The following TXNDC8 variants were observed in gnomAD, a reference collection of about 807,000 sequenced individuals.
TXNDC8 encodes thioredoxin domain containing 8.
In TXNDC8, 15 loss-of-function variants were observed where a neutral mutation model predicts 12.9. That is an observed-to-expected ratio of 1.16 (90% CI 0.78 to 1.79). The LOEUF (loss-of-function observed/expected upper bound fraction) is 1.79. Among genes scored for constraint, TXNDC8 ranks in the 40% most tolerant of loss-of-function variants. TXNDC8 has a pLI of 0.00. For missense variants in TXNDC8, 128 were observed against 113.2 expected (o/e 1.13, Z -0.59); for synonymous variants, 40 against 35.4 (o/e 1.13, Z -0.46).
intron 2 of TXNDC8, among the ~76,000 whole-genome samples, chr9:110,332,386 G>A (rs371567217): frequency 3.9e-5 from 6 of 152,118 alleles, no homozygotes; most frequent in African/African-American, 1.4e-4. Flanking sequence ...AATTTTAGGC[G>A]GATAAGGGAT....
chr9:110,316,115 C>T (rs890240871), intron 3 of TXNDC8, among the ~76,000 whole-genome samples: 2 of 150,592 alleles, frequency 1.3e-5, no homozygotes, highest in Non-Finnish European at 3.0e-5. Flanking sequence ...ATCTAGGCTA[C>T]TACCTGCTAG....
intron 3 of TXNDC8, among the ~76,000 whole-genome samples, chr9:110,307,340 A>G (rs147214606): frequency 8.1e-4 from 123 of 152,280 alleles, no homozygotes; most frequent in African/African-American, 2.9e-3. Flanking sequence ...AGTTTCAGCA[A>G]CTAGGTATTA....
At chr9:110,303,474 T>A (rs1169696434), downstream of TXNDC8, 3 of 1,505,760 alleles carry the variant, frequency 2.0e-6, no homozygotes. Context: ...ACACATTTGC[T>A]CTTGCCTTTT....
Position 110,315,682 on chromosome 9 carries a change from T to C in TXNDC8, c.195+10493A>G, listed in dbSNP as rs1587964545. Among the ~76,000 whole-genome samples the C allele has an allele frequency of 4.3e-5, 5 of 115,500 alleles. No homozygotes were observed. In the South Asian group the frequency reaches 1.3e-3, roughly 31 times the overall value. 75.8% of individuals were successfully genotyped at this position (115,500 alleles called of 152,430 possible). A position where few individuals can be genotyped will look rare whatever the true frequency, so the allele number is the denominator to read the frequency against. On this transcript the variant is annotated intron_variant, in intron 3 of 4. Coordinates refer to ENST00000423740, the MANE Select transcript of TXNDC8 (RefSeq NM_001286946.2). ...CTACTATGCCTGGCTAATTTTTGTA[T>C]TTTTTTTTTTTGTAGAGATAGGGTT...
At position 110,334,217 on chromosome 9, in the gene TXNDC8, T is replaced by G; in HGVS notation, c.128A>C (p.His43Pro). Residue 43 changes from histidine (H) to proline (P), a missense_variant and splice_region_variant, in exon 2 of 5, where the codon CAT (histidine) becomes CCT (proline). Coordinates refer to ENST00000423740, the MANE Select transcript of TXNDC8 (RefSeq NM_001286946.2). ...GAGATATATACTGGTTGTACTCACA[T>G]GGAAAACAGGAAACATCCTTTTGCA... is the stretch of plus-strand genomic sequence containing the variant. 1 of 1,610,162 alleles carries G rather than the reference T, an allele frequency of 6.2e-7. No homozygotes were observed. Among genetic ancestry groups the G allele is most frequent in the Non-Finnish European group, 8.5e-7 (1 of 1,176,690 alleles).
rs77547959 is a variant in TXNDC8, at chr9:110,332,437, G to A, written c.129+1779C>T. 3.4e-3 allele frequency among the ~76,000 whole-genome samples: 517 copies of A among 152,272 alleles called. 1 individual carries two copies. The highest frequency in any genetic ancestry group is 4.8e-3 in the Non-Finnish European group (327 of 68,020). ...AGCCAGTTTCTCTATTGGAATATAAGTTCATTTTGAATTAAATATCAAAGA... is the reference window on the plus strand; with the variant it reads ...AGCCAGTTTCTCTATTGGAATATAAATTCATTTTGAATTAAATATCAAAGA... On this transcript the variant is annotated intron_variant, in intron 2 of 4. Transcript: ENST00000423740.
chr9:110,302,089 A>G (rs533720373), downstream of TXNDC8, among the ~76,000 whole-genome samples: 4 of 152,068 alleles, frequency 2.6e-5, no homozygotes, highest in Non-Finnish European at 5.9e-5. Context: ...TTCCAGGCGC[A>G]AGTAATCCTC....
chr9:110,304,593 CT>C (rs1203833513), intron 3 of TXNDC8, 61 bp from the exon 5 acceptor site: 1 of 1,455,236 alleles, frequency 6.9e-7, no homozygotes, highest in Non-Finnish European at 9.4e-7. Flanking sequence ...ACCATCTCCC[CT>C]ATAACTGGTT....
rs929913656 is a variant in TXNDC8, at chr9:110,323,282, C to T, written c.195+2893G>A. 8 of 985,100 alleles carry T rather than the reference C, an allele frequency of 8.1e-6. No homozygotes were observed. In the African/African-American group the frequency reaches 1.4e-4, roughly 17 times the overall value. The allele number at this position is 985,100 out of a possible 1,614,324, so 61.0% of individuals were successfully genotyped here. A position where few individuals can be genotyped will look rare whatever the true frequency, so the allele number is the denominator to read the frequency against. On this transcript the variant is annotated intron_variant, in intron 3 of 4. Coordinates refer to ENST00000423740, the MANE Select transcript of TXNDC8 (RefSeq NM_001286946.2). ...GGATTGAACCAAAAAGATAGATATC[C>T]AAAACGGATATATTTGACTATAACA...
intron 3 of TXNDC8, among the ~76,000 whole-genome samples, chr9:110,309,913 T>C (rs1188463546): frequency 6.6e-6 from 1 of 151,924 alleles, no homozygotes; most frequent in Non-Finnish European, 1.5e-5. Flanking sequence ...GTTCCTTTTA[T>C]TAAGAAAAAA....
At chr9:110,336,471 T>A (rs1162972825) in intron 1 of TXNDC8, among the ~76,000 whole-genome samples, 2 of 152,104 alleles carry the variant, frequency 1.3e-5, no homozygotes, top group Non-Finnish European at 2.9e-5. Context: ...TTCCAGTAGT[T>A]GTTGTTTGGG....
intron 2 of TXNDC8, among the ~76,000 whole-genome samples, chr9:110,333,382 C>T (rs1478875517): frequency 6.6e-6 from 1 of 152,198 alleles, no homozygotes; most frequent in Non-Finnish European, 1.5e-5. Context: ...TGAGGCGGAA[C>T]AGTTTCTTCC....
At chr9:110,323,316 G>A in intron 3 of TXNDC8, 5 of 985,512 alleles carry the variant, frequency 5.1e-6, no homozygotes, top group Non-Finnish European at 6.0e-6. Context: ...CAGGAGACAA[G>A]CCAGAGGAGA....
At chr9:110,304,653 G>C (rs1385787573) in intron 3 of TXNDC8, 121 bp from the exon 5 acceptor site, 1 of 860,840 alleles carries the variant, frequency 1.2e-6, no homozygotes, top group Non-Finnish European at 1.7e-6. Context: ...ATCTGCAAAA[G>C]TTTCTCTTTG....
intron 1 of TXNDC8, 75 bp from the exon 2 acceptor site, chr9:110,334,395 A>G: frequency 7.3e-7 from 1 of 1,366,464 alleles, no homozygotes; most frequent in Non-Finnish European, 1.0e-6. Flanking sequence ...AGAAGATGAC[A>G]GATTAGTTTT....
rs188969406 is a variant in TXNDC8 at position 110,332,736 on chromosome 9, T to C, written c.129+1480A>G. On this transcript the variant is annotated intron_variant, in intron 2 of 4. Transcript: ENST00000423740. The stretch of plus-strand genomic sequence containing the variant: ...ATGTTAAAAACTGTTATGTAGGATA[T>C]TACAGAAATTAACCAGATAAAATAT... Among the ~76,000 whole-genome samples, 17 of 152,284 alleles carry C rather than the reference T, an allele frequency of 1.1e-4. No individual in the cohort carries two copies. In the East Asian group the frequency reaches 3.3e-3, roughly 29 times the overall value.
chr9:110,306,987 G>A (rs952599050), intron 3 of TXNDC8, among the ~76,000 whole-genome samples: 2 of 151,982 alleles, frequency 1.3e-5, no homozygotes, highest in African/African-American at 4.8e-5. Context: ...TGTCACCCAG[G>A]CTGGAGTGCA....
intron 2 of TXNDC8, among the ~76,000 whole-genome samples, chr9:110,333,273 G>A (rs948867406): frequency 2.0e-5 from 3 of 152,160 alleles, no homozygotes; most frequent in Admixed American, 6.5e-5. Context: ...TCAGATCAGC[G>A]TGGAATTAGA....
intron 2 of TXNDC8, among the ~76,000 whole-genome samples, chr9:110,327,653 C>A (rs1022698057): frequency 2.6e-5 from 4 of 152,102 alleles, no homozygotes; most frequent in Non-Finnish European, 4.4e-5. Context: ...AATATGAATG[C>A]ACCTTGAAAA....
Sources: allele counts gnomAD v4.1 joint callset (sites outside exome capture counted in the v4.1 genomes callset), GRCh38; gene constraint gnomAD v4.1.1; transcripts MANE v1.5; gene names NCBI Gene and HGNC (gene_info 2026-07-23, HGNC 2026-07-21).